RSPH3: variants seen among roughly 807,000 people sequenced by gnomAD.
The protein encoded by RSPH3 is radial spoke head protein 3 homolog.
In RSPH3, 21 loss-of-function variants were observed where a neutral mutation model predicts 43.8. The ratio of observed to expected loss-of-function variants is 0.48; its 90% CI spans 0.34 to 0.69. The LOEUF (loss-of-function observed/expected upper bound fraction) is 0.69. RSPH3 is among the 30% of genes least tolerant of loss of function. The pLI is 0.01. For synonymous variants in RSPH3, 173 were observed against 179.8 expected, an observed-to-expected ratio of 0.96 and a Z score of 0.30; for missense variants, 487 against 516.0, an observed-to-expected ratio of 0.94 and a Z score of 0.54.
chr6:158,987,737 GA>G (rs1181360602), intron 2 of RSPH3, among the ~76,000 whole-genome samples: 2 of 151,788 alleles, frequency 1.3e-5, no homozygotes, highest in African/African-American at 2.4e-5. Context: ...AAGAAAAAAA[GA>G]AAAAAAATTC....
At chr6:158,992,219 C>T (rs935187015) in intron 2 of RSPH3, among the ~76,000 whole-genome samples, 7 of 147,880 alleles carry the variant, frequency 4.7e-5, no homozygotes, top group African/African-American at 1.7e-4. Flanking sequence ...ATACTCCCTG[C>T]CTCAGACTCC....
rs1194306413 is a variant in RSPH3 at position 158,973,888 on chromosome 6, G to A, written c.*3650C>T. The A allele has an allele frequency of 6.6e-6, 1 of 151,554 alleles. No individual in the cohort carries two copies. The highest frequency in any genetic ancestry group is 1.9e-4 in the East Asian group (1 of 5,170). 9.4% of individuals were successfully genotyped at this position (151,554 alleles called of 1,614,324 possible). On this transcript the variant is annotated 3_prime_UTR_variant, in exon 8 of 8. Coordinates refer to ENST00000367069, the MANE Select transcript of RSPH3 (RefSeq NM_031924.8). ...TCTGTCACCGGGCTGGAGTGCAGCGGCGCGACCTCCTGGGTTCAAGTGATT... is the reference window on the plus strand; with the variant it reads ...TCTGTCACCGGGCTGGAGTGCAGCGACGCGACCTCCTGGGTTCAAGTGATT...
At chr6:158,979,793 T>C (rs1333319333) in intron 6 of RSPH3, among the ~76,000 whole-genome samples, 1 of 152,152 alleles carries the variant, frequency 6.6e-6, no homozygotes, top group Non-Finnish European at 1.5e-5. Context: ...TGGATGTAAG[T>C]GCTTTTCACT....
chr6:158,995,264 A>C (rs1778551445), intron 1 of RSPH3, among the ~76,000 whole-genome samples: 1 of 152,174 alleles, frequency 6.6e-6, no homozygotes, highest in South Asian at 2.1e-4. Context: ...TCAGAATTGA[A>C]CTAATTATCA....
In RSPH3 at chr6:158,976,516, T is replaced by C. The variant is rs1007735784; in HGVS notation, c.*1022A>G. On this transcript the variant is annotated 3_prime_UTR_variant, in exon 8 of 8. Coordinates refer to ENST00000367069, the MANE Select transcript of RSPH3 (RefSeq NM_031924.8). ...TATTTATATAAAGAAAATCAAGCTA[T>C]ATATTTCTAGATTTTCAAATACATT... 2.6e-5 allele frequency: 4 copies of C among 152,172 alleles called. No individual in the cohort carries two copies. The highest frequency in any genetic ancestry group is 6.5e-5 in the Admixed American group (1 of 15,282). The allele number at this position is 152,172 out of a possible 1,614,324, so 9.4% of individuals were successfully genotyped here.
At chr6:158,998,785 GAGT>G (rs375534374) in intron 1 of RSPH3, among the ~76,000 whole-genome samples, 2,362 of 150,950 alleles carry the variant, frequency 0.016, 26 homozygotes, top group Non-Finnish European at 0.022. Context: ...GATCGGGGAG[GAGT>G]GGGGGAGGGG....
rs1777851299 is a variant in RSPH3 at position 158,976,688 on chromosome 6, G to GAA, written c.*848_*849dup. The GAA allele has an allele frequency of 6.6e-6, 1 of 152,104 alleles. No homozygotes were observed. The highest frequency in any genetic ancestry group is 1.5e-5 in the Non-Finnish European group (1 of 67,996). The allele number at this position is 152,104 out of a possible 1,614,324, so 9.4% of individuals were successfully genotyped here. A position where few individuals can be genotyped will look rare whatever the true frequency, so the allele number is the denominator to read the frequency against. The stretch of plus-strand genomic sequence containing the variant: ...TGAAATTTTTTCATAGTAGGAATGT[G>GAA]AAAAAATAGATGAGAGCATATACTA... On this transcript the variant is annotated 3_prime_UTR_variant, in exon 8 of 8. Coordinates refer to ENST00000367069, the MANE Select transcript of RSPH3 (RefSeq NM_031924.8).
At chr6:158,993,182 A>G (rs1778476932) in intron 2 of RSPH3, among the ~76,000 whole-genome samples, 1 of 151,930 alleles carries the variant, frequency 6.6e-6, no homozygotes, top group Non-Finnish European at 1.5e-5. Context: ...CAGTGGTGCG[A>G]TCTCGGCTCA....
At chr6:158,964,781 T>C in the RSPH3 span, among the ~76,000 whole-genome samples, 1 of 152,208 alleles carries the variant, frequency 6.6e-6, no homozygotes, top group Non-Finnish European at 1.5e-5. Context: ...ATTCACTTTC[T>C]TGATGGTGTC....
At chr6:158,967,323 ACTTT>A in the RSPH3 span, among the ~76,000 whole-genome samples, 1 of 152,070 alleles carries the variant, frequency 6.6e-6, no homozygotes, top group Admixed American at 6.5e-5. Flanking sequence ...ACCTCAAATT[ACTTT>A]CTAATTTTTC....
intron 1 of RSPH3, among the ~76,000 whole-genome samples, chr6:158,994,206 G>A (rs1380272790): frequency 1.3e-5 from 2 of 152,146 alleles, no homozygotes; most frequent in South Asian, 2.1e-4. Context: ...TCAGGAATCT[G>A]CCAAAGGTCA....
downstream of RSPH3, among the ~76,000 whole-genome samples, chr6:158,972,368 A>G (rs1349197967): frequency 6.6e-6 from 1 of 152,204 alleles, no homozygotes; most frequent in South Asian, 2.1e-4. Flanking sequence ...TGTGACAACT[A>G]AAGTCCACTC....
rs1376130975 is a variant in RSPH3, at chr6:158,980,947, C to T, written c.697-11G>A. 24 of 1,612,936 alleles carry T rather than the reference C, an allele frequency of 1.5e-5. No homozygotes were observed. The highest frequency in any genetic ancestry group is 1.7e-4 in the Middle Eastern group (1 of 6,056). ...TTTCTTACGCCGTTCCTGCCAAGAA[C>T]GACAGAGGTGGTTATTTAGCTCTTA... On this transcript the variant is annotated splice_polypyrimidine_tract_variant and intron_variant, in intron 5 of 7. Coordinates refer to ENST00000367069, the MANE Select transcript of RSPH3 (RefSeq NM_031924.8).
chr6:158,987,130 T>TA (rs1227738628), intron 2 of RSPH3, among the ~76,000 whole-genome samples: 1 of 152,226 alleles, frequency 6.6e-6, no homozygotes. Flanking sequence ...GATCTATTCA[T>TA]GTTTGCTTTA....
At position 158,973,629 on chromosome 6, in the gene RSPH3, G is replaced by T. The variant is rs1020953955; in HGVS notation, c.*3909C>A. The T allele has an allele frequency of 1.8e-4, 27 of 152,122 alleles. No individual in the cohort carries two copies. Among genetic ancestry groups the T allele is most frequent in the African/African-American group, 6.3e-4 (26 of 41,436 alleles). 9.4% of individuals were successfully genotyped at this position (152,122 alleles called of 1,614,324 possible). ...TGGTGAAGACTACATGCTTGCATGT[G>T]AGGACTCAAGCCCAGTGGTCTGGCT... On this transcript the variant is annotated 3_prime_UTR_variant, in exon 8 of 8. Coordinates refer to ENST00000367069, the MANE Select transcript of RSPH3 (RefSeq NM_031924.8).
intron 6 of RSPH3, among the ~76,000 whole-genome samples, chr6:158,979,813 G>C (rs1369166338): frequency 6.6e-6 from 1 of 152,168 alleles, no homozygotes; most frequent in African/African-American, 2.4e-5. Flanking sequence ...TCTGAGGAAG[G>C]TGGGTGGTGG....
At position 158,993,929 on chromosome 6, in the gene RSPH3, G is replaced by C; in HGVS notation, c.117-3C>G. 6.3e-7 allele frequency: 1 copy of C among 1,580,914 alleles called. No homozygotes were observed. The highest frequency in any genetic ancestry group is 8.7e-7 in the Non-Finnish European group (1 of 1,150,746). On this transcript the variant is annotated splice_region_variant and splice_polypyrimidine_tract_variant and intron_variant, in intron 1 of 7. Transcript: ENST00000367069. Reference sequence around the variant, plus strand: ...CATAATGCATAGGTTCTTCATCTCTGTAAAACAGAAAATTCTGTATAACCA... The same window carrying C: ...CATAATGCATAGGTTCTTCATCTCTCTAAAACAGAAAATTCTGTATAACCA...
At chr6:158,992,090 G>T (rs1583721640) in intron 2 of RSPH3, among the ~76,000 whole-genome samples, 1 of 124,328 alleles carries the variant, frequency 8.0e-6, no homozygotes. Flanking sequence ...GTCTCATTCT[G>T]GGAACATACC....
At chr6:158,992,846 G>A (rs989392132) in intron 2 of RSPH3, among the ~76,000 whole-genome samples, 1 of 152,014 alleles carries the variant, frequency 6.6e-6, no homozygotes, top group Non-Finnish European at 1.5e-5. Context: ...TGTATCCTAG[G>A]TACCCAGAAC....
Sources: gnomAD v4.1 joint callset for allele counts (sites outside exome capture counted in the v4.1 genomes callset) on GRCh38, gnomAD v4.1.1 for gene constraint, MANE v1.5 for transcripts, NCBI Gene and HGNC (gene_info 2026-07-23, HGNC 2026-07-21) for gene names.